The following RASGRF2 variants were observed in gnomAD, a reference collection of about 807,000 sequenced individuals.
The protein encoded by RASGRF2 is Ras protein specific guanine nucleotide releasing factor 2, also known as ras-specific guanine nucleotide-releasing factor 2.
Under a neutral mutation model 151.0 loss-of-function variants are expected in RASGRF2, and 76 were observed. That is an observed-to-expected ratio of 0.50 (90% confidence interval 0.42 to 0.61). The LOEUF is 0.61. RASGRF2 is among the 20% of genes least tolerant of loss of function. The pLI is 0.00. For synonymous variants in RASGRF2, 504 were observed against 566.5 expected (o/e 0.89, Z 1.57); for missense variants, 1,148 against 1,564.6 (o/e 0.73, Z 4.49).
intron 7 of RASGRF2, among the ~76,000 whole-genome samples, chr5:81,085,052 G>A (rs1185342802): frequency 6.6e-6 from 1 of 152,148 alleles, no homozygotes; most frequent in Admixed American, 6.5e-5. Flanking sequence ...TAGAGGACTG[G>A]ACACATTGGC....
intron 1 of RASGRF2, among the ~76,000 whole-genome samples, chr5:81,010,017 A>G (rs1242603760): frequency 6.6e-6 from 1 of 151,988 alleles, no homozygotes; most frequent in African/African-American, 2.4e-5. Context: ...TTAGCCGGGC[A>G]TGGGGTTGGG....
intron 1 of RASGRF2, among the ~76,000 whole-genome samples, chr5:81,009,853 T>C (rs1239874353): frequency 6.6e-6 from 1 of 152,080 alleles, no homozygotes. Flanking sequence ...TGTATTAAAA[T>C]GGTTTTAGAA....
intron 1 of RASGRF2, among the ~76,000 whole-genome samples, chr5:80,998,411 G>A (rs79629521): frequency 0.016 from 2,437 of 152,258 alleles, 29 homozygotes; most frequent in Non-Finnish European, 0.023. Flanking sequence ...GGCTTTACAT[G>A]TAGGTTGATT....
At chr5:81,082,973 C>T (rs1752127980) in intron 7 of RASGRF2, among the ~76,000 whole-genome samples, 1 of 152,252 alleles carries the variant, frequency 6.6e-6, no homozygotes, top group Non-Finnish European at 1.5e-5. Context: ...CTTCTGTCTT[C>T]TTCACTTGAT....
At chr5:81,005,992 C>T (rs748029742) in intron 1 of RASGRF2, among the ~76,000 whole-genome samples, 1 of 152,250 alleles carries the variant, frequency 6.6e-6, no homozygotes, top group African/African-American at 2.4e-5. Context: ...AGGTCGCTTC[C>T]AAGTTCAAAT....
At chr5:81,162,546 C>G (rs933360757) in intron 17 of RASGRF2, among the ~76,000 whole-genome samples, 2 of 149,270 alleles carry the variant, frequency 1.3e-5, no homozygotes, top group Non-Finnish European at 3.0e-5. Context: ...ACGGGTTTCA[C>G]CATTTTGGTC....
chr5:81,015,887 C>T (rs1356425085), intron 1 of RASGRF2, among the ~76,000 whole-genome samples: 1 of 152,146 alleles, frequency 6.6e-6, no homozygotes, highest in East Asian at 1.9e-4. Context: ...ATGTAATTAA[C>T]CCAATGCTTC....
At chr5:81,152,935 A>G (rs1035809023) in intron 17 of RASGRF2, among the ~76,000 whole-genome samples, 2 of 152,140 alleles carry the variant, frequency 1.3e-5, no homozygotes, top group African/African-American at 4.8e-5. Context: ...GGAAAACCTC[A>G]TGCTGTTGAG....
Position 80,960,890 on chromosome 5 carries a change from T to G in RASGRF2, c.152T>G (p.Leu51Arg). 6.2e-7 allele frequency: 1 copy of G among 1,610,404 alleles called. No individual in the cohort carries two copies. The highest frequency in any genetic ancestry group is 8.5e-7 in the Non-Finnish European group (1 of 1,177,358). The change falls in exon 1 of 27, where the codon CTC (leucine) becomes CGC (arginine). Residue 51 changes from leucine (L) to arginine (R), a missense_variant. By Grantham distance (102) the Leu-to-Arg change is moderately radical. Around this residue, in one of 5 missense-constraint regions of RASGRF2, gnomAD observed 221 missense variants for 271.3 expected, o/e 0.81. Transcript: ENST00000265080. This position sits in a 1 kb window ranked among gnomAD's most constrained non-coding sequence, Gnocchi z 5.5. ...EKWFALYQNV[L>R]FYFEGEQSCR... ...TGGTTCGCCCTCTACCAGAATGTGC[T>G]CTTCTACTTCGAGGGCGAGCAGAGC... is the stretch of plus-strand genomic sequence containing the variant.
chr5:80,963,288 C>G (rs1475470580), intron 1 of RASGRF2, among the ~76,000 whole-genome samples: 9 of 152,156 alleles, frequency 5.9e-5, no homozygotes, highest in African/African-American at 1.7e-4. Flanking sequence ...GCTTCTTTCT[C>G]CTTATATGCT....
chr5:80,969,502 G>A (rs1379676014), intron 1 of RASGRF2, among the ~76,000 whole-genome samples: 1 of 148,616 alleles, frequency 6.7e-6, no homozygotes, highest in East Asian at 2.0e-4. Context: ...ACGCTGGAGT[G>A]CAGTGGCGCG....
chr5:81,218,792 A>G (rs559598860), intron 25 of RASGRF2, among the ~76,000 whole-genome samples: 2 of 152,188 alleles, frequency 1.3e-5, no homozygotes, highest in Non-Finnish European at 2.9e-5. Context: ...TTTTGGCAGT[A>G]TGGTCATTTT....
chr5:81,060,127 A>G (rs1255863624), intron 2 of RASGRF2, among the ~76,000 whole-genome samples: 2 of 152,220 alleles, frequency 1.3e-5, no homozygotes, highest in Non-Finnish European at 2.9e-5. Flanking sequence ...GCATGAAGCC[A>G]TGAGGGATCT....
chr5:81,003,218 C>CTTTTT lies in RASGRF2; in HGVS notation c.289-39641_289-39637dup, dbSNP rs1271321430. Among the ~76,000 whole-genome samples, 17 of 97,858 alleles carry CTTTTT rather than the reference C, an allele frequency of 1.7e-4. 1 individual carries two copies. The highest frequency in any genetic ancestry group is 3.6e-4 in the South Asian group (1 of 2,766). 64.2% of individuals were successfully genotyped at this position (97,858 alleles called of 152,430 possible). A position where few individuals can be genotyped will look rare whatever the true frequency, so the allele number is the denominator to read the frequency against. ...TATGGATGCATGCCACCACACCTGG[C>CTTTTT]TTTTTTTTTTTTTTTTTTTTTTGAG... On this transcript the variant is annotated intron_variant, in intron 1 of 26. Coordinates refer to ENST00000265080, the MANE Select transcript of RASGRF2 (RefSeq NM_006909.3).
chr5:81,196,549 A>G (rs559130982), intron 18 of RASGRF2, among the ~76,000 whole-genome samples: 44 of 152,320 alleles, frequency 2.9e-4, no homozygotes, highest in Middle Eastern at 3.4e-3. Context: ...TAATAAAATT[A>G]CATTATGCTT....
At chr5:81,201,031 C>G (rs766947121) in intron 18 of RASGRF2, among the ~76,000 whole-genome samples, 1 of 152,058 alleles carries the variant, frequency 6.6e-6, no homozygotes, top group African/African-American at 2.4e-5. Context: ...GCCAGGGCCT[C>G]GTAAGCTCTG....
chr5:81,222,247 A>G (rs1307635821), intron 26 of RASGRF2, among the ~76,000 whole-genome samples: 2 of 152,214 alleles, frequency 1.3e-5, no homozygotes, highest in South Asian at 2.1e-4. Flanking sequence ...TAAGCTAAAT[A>G]TACTGATGCC....
At chr5:81,165,999 T>C (rs2045384) in intron 17 of RASGRF2, among the ~76,000 whole-genome samples, 6,336 of 152,160 alleles carry the variant, frequency 0.042, 461 homozygotes, top group African/African-American at 0.15. Context: ...TCAGCATCAT[T>C]GAACCTCAAA....
At chr5:81,177,272 T>C (rs1754797001) in intron 17 of RASGRF2, among the ~76,000 whole-genome samples, 1 of 152,196 alleles carries the variant, frequency 6.6e-6, no homozygotes, top group Non-Finnish European at 1.5e-5. Context: ...AGATTTTTTT[T>C]CCAAGATACT....
Sources: gnomAD v4.1 joint callset for allele counts (sites outside exome capture counted in the v4.1 genomes callset) on GRCh38, gnomAD v4.1.1 for gene constraint, gnomAD v4.1.1 regional missense constraint, Gnocchi (gnomAD v3.1) non-coding constraint, MANE v1.5 for transcripts, NCBI Gene and HGNC (gene_info 2026-07-23, HGNC 2026-07-21) for gene names.